CACNA1C: variants seen among roughly 807,000 people sequenced by gnomAD.
The protein encoded by CACNA1C is voltage-dependent L-type calcium channel subunit alpha-1C.
Under a neutral mutation model 229.0 loss-of-function variants are expected in CACNA1C, and 30 were observed. That is an observed-to-expected ratio of 0.13 (90% confidence interval 0.10 to 0.18). The LOEUF (loss-of-function observed/expected upper bound fraction) is 0.18, where lower values mean the gene tolerates loss of function less well. Among genes scored for constraint, CACNA1C ranks in the 10% least tolerant of loss-of-function variants. CACNA1C has a pLI of 1.00. For synonymous variants in CACNA1C, 1,114 were observed against 1,132.5 expected (o/e 0.98, Z 0.33); for missense variants, 1,658 against 2,845.0 (o/e 0.58, Z 9.49).
chr12:2,185,859 C>T (rs1249481110), intron 3 of CACNA1C, among the ~76,000 whole-genome samples: 5 of 152,144 alleles, frequency 3.3e-5, no homozygotes, highest in Non-Finnish European at 5.9e-5. Flanking sequence ...TGTCTTTGCC[C>T]GGTGGGCTCC....
chr12:2,517,535 T>A (rs1411476540), intron 9 of CACNA1C, among the ~76,000 whole-genome samples: 2 of 152,246 alleles, frequency 1.3e-5, no homozygotes, highest in Non-Finnish European at 2.9e-5. Context: ...AGGGGCATGT[T>A]TATGTACTGT....
At chr12:2,247,327 A>G (rs2073775977) in intron 3 of CACNA1C, among the ~76,000 whole-genome samples, 1 of 152,194 alleles carries the variant, frequency 6.6e-6, no homozygotes, top group South Asian at 2.1e-4. Context: ...TCAATGCCGC[A>G]GGGTCTGTTT....
rs149365208 is a variant in CACNA1C, at chr12:2,071,551, TC to T, written c.49+17944del. On this transcript the variant is annotated intron_variant, in intron 1 of 46. Transcript: ENST00000399655. ...TCACGATCTTTTCAAATATTATCTC[TC>T]CCCTAGTCACTCTATTTTGTTCCTC... 6.6e-3 allele frequency among the ~76,000 whole-genome samples: 1,006 copies of T among 152,192 alleles called. 33 individuals carry two copies. Among genetic ancestry groups the T allele is most frequent in the Admixed American group, 0.056 (853 of 15,292 alleles).
intron 3 of CACNA1C, among the ~76,000 whole-genome samples, chr12:2,235,785 C>T (rs776127986): frequency 1.1e-4 from 16 of 152,150 alleles, no homozygotes; most frequent in Non-Finnish European, 1.5e-4. Flanking sequence ...AGGAGCAGTC[C>T]GGTGCACCAG....
At chr12:2,434,286 A>C (rs1325544007) in intron 3 of CACNA1C, among the ~76,000 whole-genome samples, 1 of 152,158 alleles carries the variant, frequency 6.6e-6, no homozygotes, top group East Asian at 1.9e-4. Context: ...GTCATATCTG[A>C]AGTGAGCTTC....
intron 1 of CACNA1C, among the ~76,000 whole-genome samples, chr12:2,035,066 G>A (rs534790388): frequency 3.9e-4 from 60 of 152,336 alleles, no homozygotes; most frequent in Non-Finnish European, 6.8e-4. Context: ...CACCTCAGGT[G>A]CCGGCGCCCC....
chr12:2,232,890 G>A (rs557592873), intron 3 of CACNA1C, among the ~76,000 whole-genome samples: 40 of 152,094 alleles, frequency 2.6e-4, no homozygotes, highest in African/African-American at 9.4e-4. Context: ...TTGGCCATTG[G>A]GAGCGCTTTC....
At chr12:2,415,776 G>T (rs2098883425) in intron 3 of CACNA1C, among the ~76,000 whole-genome samples, 1 of 152,134 alleles carries the variant, frequency 6.6e-6, no homozygotes, top group Non-Finnish European at 1.5e-5. Context: ...CGCCATGGTG[G>T]CCTCGTCCCC....
At chr12:2,472,755 A>G (rs1342620028) in intron 5 of CACNA1C, among the ~76,000 whole-genome samples, 1 of 151,926 alleles carries the variant, frequency 6.6e-6, no homozygotes, top group Non-Finnish European at 1.5e-5. Flanking sequence ...ATGTCTAGTG[A>G]TTTCTTTTTA....
intron 3 of CACNA1C, among the ~76,000 whole-genome samples, chr12:2,219,177 C>T (rs1290504674): frequency 6.6e-6 from 1 of 152,248 alleles, no homozygotes; most frequent in African/African-American, 2.4e-5. Context: ...GGACGCTTCT[C>T]TCCCTTTGTG....
chr12:2,696,959 C>G lies in CACNA1C; in HGVS notation c.*5760C>G, dbSNP rs1162440775. 6.6e-6 allele frequency: 1 copy of G among 152,184 alleles called. No individual in the cohort carries two copies. Among genetic ancestry groups the G allele is most frequent in the African/African-American group, 2.4e-5 (1 of 41,402 alleles). 9.4% of individuals were successfully genotyped at this position (152,184 alleles called of 1,614,324 possible). On this transcript the variant is annotated 3_prime_UTR_variant, in exon 47 of 47. Transcript: ENST00000399655. ...GTGGGTCACTGGGTCCTGGACATAGCCCCCAACCCCAAGACTTCCCAATAT... is the reference window on the plus strand; with the variant it reads ...GTGGGTCACTGGGTCCTGGACATAGGCCCCAACCCCAAGACTTCCCAATAT...
At chr12:2,385,094 T>C (rs2098348433) in intron 3 of CACNA1C, among the ~76,000 whole-genome samples, 1 of 152,170 alleles carries the variant, frequency 6.6e-6, no homozygotes, top group South Asian at 2.1e-4. Flanking sequence ...TAGTCCAGAT[T>C]CCCAGAGAAA....
At position 2,092,454 on chromosome 12, in the gene CACNA1C, G is replaced by C. The variant is rs1045495647; in HGVS notation, c.50-22770G>C. On this transcript the variant is annotated intron_variant, in intron 1 of 46. Transcript: ENST00000399655. Reference sequence around the variant, plus strand: ...TCAATATGTGTGGTGACTGGCATGGGCATCCGTATTCAAGGAAGGGAAGGA... The same window carrying C: ...TCAATATGTGTGGTGACTGGCATGGCCATCCGTATTCAAGGAAGGGAAGGA... 2.0e-5 allele frequency among the ~76,000 whole-genome samples: 3 copies of C among 152,172 alleles called. No homozygotes were observed. The South Asian group carries it at 6.2e-4, about 32-fold the overall frequency.
chr12:2,658,851 G>A (rs61907987), intron 34 of CACNA1C, among the ~76,000 whole-genome samples: 107,939 of 150,516 alleles, frequency 0.72, 39,694 homozygotes, highest in Admixed American at 0.81. Context: ...TTAACAAAAA[G>A]CTAAAATTAA....
intron 3 of CACNA1C, among the ~76,000 whole-genome samples, chr12:2,163,203 C>CA (rs35977267): frequency 0.45 from 49,220 of 109,328 alleles, 10,628 homozygotes; most frequent in East Asian, 0.7. Context: ...AATTCCATCT[C>CA]AAAAAAAAAA....
chr12:2,180,650 T>G (rs75568538), intron 3 of CACNA1C, among the ~76,000 whole-genome samples: 1 of 152,170 alleles, frequency 6.6e-6, no homozygotes, highest in African/African-American at 2.4e-5. Flanking sequence ...ACATTTTTGC[T>G]GATAGGGAGG....
At position 2,585,038 on chromosome 12, in the gene CACNA1C, C is replaced by T. The variant is rs566159794; in HGVS notation, c.2340-338C>T. On this transcript the variant is annotated intron_variant, in intron 16 of 46. Coordinates refer to ENST00000399655, the MANE Select transcript of CACNA1C (RefSeq NM_000719.7). The surrounding 1 kb of genome is among the most constrained non-coding windows in gnomAD (Gnocchi z 4.1). ...ATGTTGTATCCTATCATTATCTAGA[C>T]GGGACAGTTCCAGGCCACACAGCTG... is the stretch of plus-strand genomic sequence containing the variant. 5.3e-5 allele frequency among the ~76,000 whole-genome samples: 8 copies of T among 152,138 alleles called. No individual in the cohort carries two copies. The highest frequency in any genetic ancestry group is 4.8e-5 in the African/African-American group (2 of 41,418).
At position 2,665,237 on chromosome 12, in the gene CACNA1C, C is replaced by A. The variant is rs1258693743; in HGVS notation, c.4398+247C>A. ...GTCATGGTGGCATTGTCCCAGAGGACAACGGGGACATGTGGGGGCCTAGAA... is the reference window on the plus strand; with the variant it reads ...GTCATGGTGGCATTGTCCCAGAGGAAAACGGGGACATGTGGGGGCCTAGAA... On this transcript the variant is annotated intron_variant, in intron 35 of 46. Coordinates refer to ENST00000399655, the MANE Select transcript of CACNA1C (RefSeq NM_000719.7). The surrounding 1 kb of genome is among the most constrained non-coding windows in gnomAD (Gnocchi z 5.9). Among the ~76,000 whole-genome samples, 1 of 152,198 alleles carries A rather than the reference C, an allele frequency of 6.6e-6. No individual in the cohort carries two copies.
chr12:2,592,804 G>A (rs2066035303), intron 18 of CACNA1C, among the ~76,000 whole-genome samples: 1 of 150,406 alleles, frequency 6.6e-6, no homozygotes, highest in Non-Finnish European at 1.5e-5. Context: ...GATTCCACAA[G>A]CCAACTCAGC....
Sources: allele counts gnomAD v4.1 joint callset (sites outside exome capture counted in the v4.1 genomes callset), GRCh38; gene constraint gnomAD v4.1.1; non-coding constraint Gnocchi (gnomAD v3.1); transcripts MANE v1.5; gene names NCBI Gene and HGNC (gene_info 2026-07-23, HGNC 2026-07-21).